Variants in PCDHA9 observed in about 807,000 individuals in gnomAD.
PCDHA9 encodes protocadherin alpha-9.
Under a neutral mutation model 62.0 loss-of-function variants are expected in PCDHA9, and 62 were observed. The ratio of observed to expected loss-of-function variants is 1.00; its 90% CI spans 0.81 to 1.23. The LOEUF is 1.23. PCDHA9 is among the 50% of genes most tolerant of loss of function. The pLI is 0.00. For missense variants in PCDHA9, 1,205 were observed against 1,249.8 expected (o/e 0.96, Z 0.54); for synonymous variants, 557 against 567.6 (o/e 0.98, Z 0.27).
chr5:140,980,085 T>C (rs1294414077), intron 2 of PCDHA9, among the ~76,000 whole-genome samples: 1 of 152,242 alleles, frequency 6.6e-6, no homozygotes, highest in Non-Finnish European at 1.5e-5. Context: ...AGATTAGTAG[T>C]TGGCTTGGTA....
intron 1 of PCDHA9, among the ~76,000 whole-genome samples, chr5:140,943,803 G>A (rs1429767850): frequency 6.6e-6 from 1 of 152,214 alleles, no homozygotes; most frequent in Non-Finnish European, 1.5e-5. Flanking sequence ...AAGCAAAAGA[G>A]GAAAGTTTGA....
chr5:140,882,178 C>A (rs2058992068), intron 1 of PCDHA9: 1 of 1,517,822 alleles, frequency 6.6e-7, no homozygotes, highest in Non-Finnish European at 8.8e-7. Flanking sequence ...TCCTTCCGCA[C>A]TAGGAAGCCA....
At chr5:140,960,629 A>C (rs1370416431) in intron 1 of PCDHA9, among the ~76,000 whole-genome samples, 1 of 152,192 alleles carries the variant, frequency 6.6e-6, no homozygotes, top group Admixed American at 6.5e-5. Flanking sequence ...TTTGAAATAT[A>C]TTTTTAAAAC....
intron 1 of PCDHA9, chr5:140,865,282 T>G (rs2048808966): frequency 6.6e-6 from 1 of 152,240 alleles, no homozygotes; most frequent in Non-Finnish European, 1.5e-5. Flanking sequence ...GTAAAATTAC[T>G]TTGCTCTTTT....
In PCDHA9 at chr5:140,949,013, T is replaced by C. The variant is rs541040709; in HGVS notation, c.2395-29936T>C. Among the ~76,000 whole-genome samples, 141 of 151,862 alleles carry C rather than the reference T, an allele frequency of 9.3e-4. No homozygotes were observed. In the Middle Eastern group the frequency reaches 0.01, roughly 11 times the overall value. On this transcript the variant is annotated intron_variant, in intron 1 of 3. Transcript: ENST00000532602. ...GCATTTTACTAATTTTTATATGTGATGTTTTTATTTTTATTCATTTAAAAG... is the reference window on the plus strand; with the variant it reads ...GCATTTTACTAATTTTTATATGTGACGTTTTTATTTTTATTCATTTAAAAG...
At chr5:140,991,984 C>T (rs1393451773) in intron 3 of PCDHA9, among the ~76,000 whole-genome samples, 1 of 151,632 alleles carries the variant, frequency 6.6e-6, no homozygotes, top group Non-Finnish European at 1.5e-5. Context: ...TTCTGCCTAC[C>T]ACCCGGTCTT....
intron 3 of PCDHA9, among the ~76,000 whole-genome samples, chr5:140,986,473 CA>C (rs1217616254): frequency 6.6e-6 from 1 of 152,192 alleles, no homozygotes; most frequent in Non-Finnish European, 1.5e-5. Context: ...CTCTTGTGAT[CA>C]GTTCCTAGGG....
At chr5:141,009,271 A>G (rs1420991909) in intron 3 of PCDHA9, among the ~76,000 whole-genome samples, 15 of 152,156 alleles carry the variant, frequency 9.9e-5, no homozygotes, top group Admixed American at 6.5e-4. Context: ...CCTGGGCAAC[A>G]TAGTGAGATC....
In PCDHA9 at chr5:141,009,880, C is replaced by G; in HGVS notation, c.2796C>G (p.Asn932Lys). The G allele has an allele frequency of 6.2e-7, 1 of 1,613,788 alleles. No individual in the cohort carries two copies. The highest frequency in any genetic ancestry group is 1.1e-5 in the South Asian group (1 of 91,042). The change falls in exon 4 of 4, where the codon AAC (asparagine) becomes AAG (lysine). Residue 932 changes from asparagine to lysine, a missense_variant. By Grantham distance (94) the Asn-to-Lys change is moderately conservative. Transcript: ENST00000532602. ...TKKKKKKKKGNKTQEKKEKGN... is the reference protein window; with the variant it reads ...TKKKKKKKKGKKTQEKKEKGN... ...AAAAGAAGAAAAAGAAGAAGGGTAA[C>G]AAGACCCAGGAGAAAAAAGAGAAAG...
Position 140,853,795 on chromosome 5 carries a change from T to C in PCDHA9, c.2394+2906T>C. On this transcript the variant is annotated intron_variant, in intron 1 of 3. Coordinates refer to ENST00000532602, the MANE Select transcript of PCDHA9 (RefSeq NM_031857.2). ...AATGGGTAGTAAGAGCAAATTTTCA[T>C]TTTAAAGCACACCTGAGATGATTCT... is the stretch of plus-strand genomic sequence containing the variant. 3 of 987,582 alleles carry C rather than the reference T, an allele frequency of 3.0e-6. 1 individual carries two copies. The highest frequency in any genetic ancestry group is 3.7e-6 in the Non-Finnish European group (3 of 819,504). The allele number at this position is 987,582 out of a possible 1,614,324, so 61.2% of individuals were successfully genotyped here.
At chr5:140,957,029 T>G (rs782472701) in intron 1 of PCDHA9, among the ~76,000 whole-genome samples, 4 of 152,190 alleles carry the variant, frequency 2.6e-5, no homozygotes, top group African/African-American at 4.8e-5. Flanking sequence ...TTTAGATATT[T>G]ATGGGAGTCA....
intron 1 of PCDHA9, chr5:140,883,809 G>A (rs781801106): frequency 6.2e-7 from 1 of 1,612,420 alleles, no homozygotes; most frequent in East Asian, 2.2e-5. Context: ...CACGCGGAGA[G>A]CGGCAAGGTG....
chr5:140,994,550 T>A (rs1554254228), intron 3 of PCDHA9, among the ~76,000 whole-genome samples: 1 of 151,060 alleles, frequency 6.6e-6, no homozygotes, highest in Non-Finnish European at 1.5e-5. Context: ...AAAAAAAATA[T>A]AAAAATTAGC....
chr5:140,936,235 GA>G (rs1358431789), intron 1 of PCDHA9, among the ~76,000 whole-genome samples: 2 of 152,076 alleles, frequency 1.3e-5, no homozygotes, highest in African/African-American at 4.8e-5. Context: ...TCCTTTTAAA[GA>G]AAACATATCC....
chr5:140,856,103 C>G (rs1554148182), intron 1 of PCDHA9: 1 of 1,597,894 alleles, frequency 6.3e-7, no homozygotes, highest in South Asian at 1.1e-5. Context: ...CTCGCTTCTT[C>G]TCCTCGCAGC....
chr5:140,884,839 G>A lies in PCDHA9; in HGVS notation c.2394+33950G>A, dbSNP rs180730260. Reference sequence around the variant, plus strand: ...ACATTATGTGTTGGATTATCCTTCAGAGTGAAATCTTAACTCACAAACCAT... The same window carrying A: ...ACATTATGTGTTGGATTATCCTTCAAAGTGAAATCTTAACTCACAAACCAT... On this transcript the variant is annotated intron_variant, in intron 1 of 3. Coordinates refer to ENST00000532602, the MANE Select transcript of PCDHA9 (RefSeq NM_031857.2). 2.5e-3 allele frequency: 2,207 copies of A among 893,274 alleles called. 7 individuals are homozygous for A. Among genetic ancestry groups the A allele is most frequent in the Middle Eastern group, 9.3e-3 (26 of 2,802 alleles). 55.3% of individuals were successfully genotyped at this position (893,274 alleles called of 1,614,324 possible). A position where few individuals can be genotyped will look rare whatever the true frequency, so the allele number is the denominator to read the frequency against.
rs1169981457 is a variant in PCDHA9, at chr5:140,955,139, G to GT, written c.2395-23805dup. ...TTCTGTTCCACTGGTCTACACGTCT[G>GT]TTTTTGTACCAGTACCGTGCTGTTT... On this transcript the variant is annotated intron_variant, in intron 1 of 3. Coordinates refer to ENST00000532602, the MANE Select transcript of PCDHA9 (RefSeq NM_031857.2). Among the ~76,000 whole-genome samples the GT allele has an allele frequency of 2.0e-5, 3 of 152,138 alleles. No homozygotes were observed. The East Asian group carries it at 5.8e-4, about 29-fold the overall frequency.
At chr5:140,899,781 T>C (rs1187719719) in intron 1 of PCDHA9, among the ~76,000 whole-genome samples, 1 of 152,218 alleles carries the variant, frequency 6.6e-6, no homozygotes, top group Non-Finnish European at 1.5e-5. Context: ...TTACCTCTGG[T>C]ATAATTCGGC....
At chr5:140,883,397 C>T in intron 1 of PCDHA9, 2 of 1,614,170 alleles carry the variant, frequency 1.2e-6, no homozygotes, top group Non-Finnish European at 1.7e-6. Flanking sequence ...TGTGTCCGAT[C>T]GTGACTCTGG....
Sources: gnomAD v4.1 joint callset for allele counts (sites outside exome capture counted in the v4.1 genomes callset) on GRCh38, gnomAD v4.1.1 for gene constraint, MANE v1.5 for transcripts, NCBI Gene and HGNC (gene_info 2026-07-23, HGNC 2026-07-21) for gene names.